The following DNAH3 variants were observed in gnomAD, a reference collection of about 807,000 sequenced individuals.
The protein encoded by DNAH3 is axonemal beta dynein heavy chain 3.
In DNAH3, 332 loss-of-function variants were observed where a neutral mutation model predicts 432.5. That is an observed-to-expected ratio of 0.77 (90% CI 0.70 to 0.84). DNAH3 has a LOEUF of 0.84. DNAH3 is among the 40% of genes least tolerant of loss of function. DNAH3 has a pLI of 0.00. For synonymous variants in DNAH3, 1,956 were observed against 1,900.2 expected (o/e 1.03, Z -0.76); for missense variants, 4,861 against 5,114.0 (o/e 0.95, Z 1.51).
At chr16:21,032,035 G>GA (rs35664744) in intron 36 of DNAH3, among the ~76,000 whole-genome samples, 37,157 of 143,910 alleles carry the variant, frequency 0.26, 6,806 homozygotes, top group African/African-American at 0.51. Flanking sequence ...ACTCTGTCTC[G>GA]AAAAAAAAAA....
At position 20,991,033 on chromosome 16, in the gene DNAH3, CA is replaced by C. The variant is rs1298603283; in HGVS notation, c.6602-2969del. On this transcript the variant is annotated intron_variant, in intron 44 of 61. Coordinates refer to ENST00000261383, the Ensembl canonical transcript of DNAH3. ...GAGACTCTGTCTCAAAACAAACAAA[CA>C]AAAAACAAAACAAAACAAAAACAAA... is the stretch of plus-strand genomic sequence containing the variant. Among the ~76,000 whole-genome samples the C allele has an allele frequency of 2.0e-5, 3 of 151,984 alleles. No individual in the cohort carries two copies. The South Asian group carries it at 6.3e-4, about 32-fold the overall frequency.
rs531459959 is a variant in DNAH3 at position 20,933,254 on chromosome 16, T to A, written c.12251A>T (p.His4084Leu). ...AATGGAGAGGACATAGTTGGTAGAG[T>A]GGCCTGTGGTGGAGAGGGTTCCTCT... The change falls in exon 62 of 62, where the codon CAC (histidine) becomes CTC (leucine). Residue 4084 changes from histidine to leucine, a missense_variant. Transcript: ENST00000261383. 2.7e-5 allele frequency: 44 copies of A among 1,614,142 alleles called. No individual in the cohort carries two copies. The South Asian group carries it at 4.5e-4, about 17-fold the overall frequency.
intron 11 of DNAH3, chr16:21,120,656 T>A (rs763948160): frequency 9.5e-7 from 1 of 1,051,702 alleles, no homozygotes; most frequent in Non-Finnish European, 1.5e-6. Context: ...TCATTGGTAT[T>A]CACATAGGCC....
At chr16:21,041,136 C>T (rs2089423183) in intron 32 of DNAH3, among the ~76,000 whole-genome samples, 1 of 152,130 alleles carries the variant, frequency 6.6e-6, no homozygotes, top group Admixed American at 6.6e-5. Flanking sequence ...TTTGGGAGGC[C>T]GAGGCAGGCA....
chr16:21,080,922 CT>C (rs989793775), intron 20 of DNAH3, among the ~76,000 whole-genome samples: 3 of 151,066 alleles, frequency 2.0e-5, no homozygotes, highest in Non-Finnish European at 3.0e-5. Context: ...CTTTTTTTTT[CT>C]TTTTTTTAAA....
At chr16:21,131,504 AGAAGGAAGGAAG>A (rs1243332610) in intron 7 of DNAH3, among the ~76,000 whole-genome samples, 2 of 139,284 alleles carry the variant, frequency 1.4e-5, no homozygotes, top group South Asian at 2.3e-4. Flanking sequence ...GAGATGAGAG[AGAAGGAAGGAAG>A]GAAGGAAGGA....
chr16:20,995,188 T>G (rs2086711181), intron 44 of DNAH3, among the ~76,000 whole-genome samples: 1 of 152,172 alleles, frequency 6.6e-6, no homozygotes, highest in South Asian at 2.1e-4. Flanking sequence ...TCAAGTAATC[T>G]GCCCGCTTTG....
At chr16:21,099,287 T>C (rs1192341026) in intron 16 of DNAH3, among the ~76,000 whole-genome samples, 3 of 148,884 alleles carry the variant, frequency 2.0e-5, no homozygotes, top group South Asian at 2.2e-4. Context: ...GATGGATGGA[T>C]GGATGAATGG....
chr16:21,098,655 C>T, exon 17 of DNAH3: 1 of 1,613,246 alleles, frequency 6.2e-7, no homozygotes. Context: ...TCTTTGAAAG[C>T]TCATTAAGCT....
chr16:21,082,307 C>T (rs1026575345), intron 19 of DNAH3, among the ~76,000 whole-genome samples: 2 of 152,154 alleles, frequency 1.3e-5, no homozygotes, highest in Admixed American at 6.5e-5. Context: ...CCTCCTCCCT[C>T]GACCTCCTGA....
intron 41 of DNAH3, 88 bp downstream of exon 41, chr16:21,019,536 G>C: frequency 6.7e-7 from 1 of 1,496,168 alleles, no homozygotes; most frequent in Non-Finnish European, 9.1e-7. Context: ...CTTTTGTAAA[G>C]GGCTCACCTG....
At chr16:21,148,648 A>G (rs986268242) in intron 1 of DNAH3, among the ~76,000 whole-genome samples, 25 of 152,106 alleles carry the variant, frequency 1.6e-4, no homozygotes, top group Admixed American at 6.6e-5. Flanking sequence ...GCAGAACACA[A>G]TGGAAAGAGG....
At position 20,984,064 on chromosome 16, in the gene DNAH3, T is replaced by G. The variant is rs2086058864; in HGVS notation, c.7665+1013A>C. Among the ~76,000 whole-genome samples the G allele has an allele frequency of 2.7e-5, 4 of 147,070 alleles. No homozygotes were observed. The South Asian group carries it at 8.6e-4, about 31-fold the overall frequency. On this transcript the variant is annotated intron_variant, in intron 48 of 61. Coordinates refer to ENST00000261383, the Ensembl canonical transcript of DNAH3. ...AAAAAAAGACAGAAAGGGCGATGGT[T>G]TGAAAAGATGAAGGTGGAGAGGATA...
intron 50 of DNAH3, 53 bp downstream of exon 50, chr16:20,979,277 C>T: frequency 3.2e-6 from 5 of 1,567,124 alleles, no homozygotes; most frequent in Non-Finnish European, 4.4e-6. Flanking sequence ...TGCCTCGGCA[C>T]ATCCACCTCG....
intron 17 of DNAH3, 145 bp from the exon 18 acceptor site, chr16:21,097,644 T>C (rs1178060555): frequency 2.9e-6 from 3 of 1,018,376 alleles, no homozygotes; most frequent in Non-Finnish European, 4.3e-6. Context: ...AACTAAAGCA[T>C]GAACTCAAGC....
At position 21,054,448 on chromosome 16, in the gene DNAH3, G is replaced by A. The variant is rs753521024; in HGVS notation, c.4011C>T (p.Leu1337=). 2.6e-5 allele frequency: 42 copies of A among 1,614,026 alleles called. No homozygotes were observed. In the Admixed American group the frequency reaches 6.3e-4, roughly 24 times the overall value. The change falls in exon 28 of 62, where the codon CTC becomes CTT. Residue 1337 remains leucine (L), a synonymous_variant. Transcript: ENST00000261383. The stretch of plus-strand genomic sequence containing the variant: ...GGACATCGATGACCGTGAGGGCCCC[G>A]AGAGTGAGTCGAGCTCCACTGCTCA...
chr16:21,141,742 A>G (rs1245059313), intron 3 of DNAH3, among the ~76,000 whole-genome samples: 5 of 152,190 alleles, frequency 3.3e-5, no homozygotes, highest in African/African-American at 1.2e-4. Context: ...CTTTAAGTAG[A>G]CCTGGGCATT....
intron 61 of DNAH3, among the ~76,000 whole-genome samples, chr16:20,934,823 A>C (rs1293306598): frequency 6.6e-6 from 1 of 152,106 alleles, no homozygotes; most frequent in Non-Finnish European, 1.5e-5. Context: ...TAATCAAGTT[A>C]AGTTCATTCA....
At chr16:21,075,831 GC>G (rs1310907241) in intron 20 of DNAH3, among the ~76,000 whole-genome samples, 4 of 148,090 alleles carry the variant, frequency 2.7e-5, no homozygotes, top group Non-Finnish European at 5.9e-5. Flanking sequence ...GATCGCCTGA[GC>G]CTGGGAGGTA....
Sources: allele counts gnomAD v4.1 joint callset (sites outside exome capture counted in the v4.1 genomes callset), GRCh38; gene constraint gnomAD v4.1.1; transcripts MANE v1.5; gene names NCBI Gene and HGNC (gene_info 2026-07-23, HGNC 2026-07-21).